The following LRRC1 variants were observed in gnomAD, a reference collection of about 807,000 sequenced individuals.
LRRC1 encodes the protein leucine rich repeat containing 1.
In LRRC1, 28 loss-of-function variants were observed where a neutral mutation model predicts 69.9. That is an observed-to-expected ratio of 0.40 (90% CI 0.30 to 0.55). The LOEUF is 0.55. Among genes scored for constraint, LRRC1 ranks in the 20% least tolerant of loss-of-function variants. The probability of loss-of-function intolerance (pLI) is 0.47; values close to 1 mark genes in which losing one functional copy is unlikely to be tolerated. For missense variants in LRRC1, 498 were observed against 609.0 expected (o/e 0.82, Z 1.92); for synonymous variants, 236 against 240.2 (o/e 0.98, Z 0.16).
chr6:53,876,438 A>G (rs986979387), intron 2 of LRRC1, among the ~76,000 whole-genome samples: 2 of 152,146 alleles, frequency 1.3e-5, no homozygotes, highest in Non-Finnish European at 1.5e-5. Flanking sequence ...TGCCTTCCCA[A>G]CAATCCCCCA....
At chr6:53,806,104 GAGCTAACATTCCTGCAGGA>G (rs1764629679) in intron 1 of LRRC1, among the ~76,000 whole-genome samples, 1 of 152,172 alleles carries the variant, frequency 6.6e-6, no homozygotes. Flanking sequence ...CAGACCTCTG[GAGCTAACATTCCTGCAGGA>G]AGCCCTCCCA....
chr6:53,802,519 C>T (rs1007771365), intron 1 of LRRC1, among the ~76,000 whole-genome samples: 1 of 152,008 alleles, frequency 6.6e-6, no homozygotes. Context: ...TGTGGGGTGC[C>T]CTTGTAAGAT....
intron 2 of LRRC1, among the ~76,000 whole-genome samples, chr6:53,860,401 A>G (rs1766456923): frequency 6.6e-6 from 1 of 152,206 alleles, no homozygotes; most frequent in African/African-American, 2.4e-5. Flanking sequence ...GAAATATTTT[A>G]CCTTTTCATC....
At chr6:53,838,387 T>A (rs1765672263) in intron 1 of LRRC1, among the ~76,000 whole-genome samples, 2 of 152,178 alleles carry the variant, frequency 1.3e-5, no homozygotes, top group African/African-American at 4.8e-5. Flanking sequence ...TGTTATGACT[T>A]CTATTGGATG....
intron 10 of LRRC1, among the ~76,000 whole-genome samples, chr6:53,906,023 C>T (rs1768223194): frequency 6.6e-6 from 1 of 152,166 alleles, no homozygotes; most frequent in African/African-American, 2.4e-5. Flanking sequence ...GTAGATTGGG[C>T]ATATAAACAC....
intron 1 of LRRC1, among the ~76,000 whole-genome samples, chr6:53,839,924 A>C (rs1259314929): frequency 6.6e-6 from 1 of 152,198 alleles, no homozygotes. Context: ...AACATGTCAG[A>C]TAATTCCTCA....
chr6:53,834,399 T>A (rs1036355177), intron 1 of LRRC1, among the ~76,000 whole-genome samples: 3 of 152,138 alleles, frequency 2.0e-5, no homozygotes, highest in Non-Finnish European at 4.4e-5. Flanking sequence ...CATTGGTAAT[T>A]TTAGTAGTTA....
Position 53,923,865 on chromosome 6 carries a change from G to C in LRRC1, c.*1072G>C, listed in dbSNP as rs909621258. Reference sequence around the variant, plus strand: ...AGCAAAATAACCTACTATCAAAATAGAAATGTTGCTATCTTTATAAGTGCA... The same window carrying C: ...AGCAAAATAACCTACTATCAAAATACAAATGTTGCTATCTTTATAAGTGCA... On this transcript the variant is annotated 3_prime_UTR_variant, in exon 14 of 14. Transcript: ENST00000370888. 1 of 152,564 alleles carries C rather than the reference G, an allele frequency of 6.6e-6. No homozygotes were observed. Among genetic ancestry groups the C allele is most frequent in the African/African-American group, 2.4e-5 (1 of 41,422 alleles). 9.5% of individuals were successfully genotyped at this position (152,564 alleles called of 1,614,324 possible). A position where few individuals can be genotyped will look rare whatever the true frequency, so the allele number is the denominator to read the frequency against.
At chr6:53,915,672 G>A (rs913095403) in intron 11 of LRRC1, among the ~76,000 whole-genome samples, 9 of 152,160 alleles carry the variant, frequency 5.9e-5, no homozygotes, top group Non-Finnish European at 1.2e-4. Context: ...CAGAAAAAGA[G>A]AAAGTTAAAT....
intron 4 of LRRC1, among the ~76,000 whole-genome samples, chr6:53,883,681 G>T (rs888240924): frequency 6.6e-6 from 1 of 152,180 alleles, no homozygotes. Context: ...AAATCAGGTT[G>T]ATGCAGTAGC....
At chr6:53,841,444 G>A (rs972767112) in intron 1 of LRRC1, among the ~76,000 whole-genome samples, 1 of 151,888 alleles carries the variant, frequency 6.6e-6, no homozygotes, top group South Asian at 2.1e-4. Context: ...TATCTAGTTC[G>A]CTTTTTGTAC....
intron 2 of LRRC1, among the ~76,000 whole-genome samples, chr6:53,842,752 T>A (rs1473680191): frequency 6.6e-6 from 1 of 152,222 alleles, no homozygotes; most frequent in Admixed American, 6.5e-5. Context: ...GCTCTCCCTG[T>A]AGTGAACAGA....
chr6:53,813,439 C>T (rs1210058104), intron 1 of LRRC1, among the ~76,000 whole-genome samples: 2 of 151,456 alleles, frequency 1.3e-5, no homozygotes, highest in African/African-American at 4.8e-5. Flanking sequence ...CAAACCTGTG[C>T]AAACCAGAGA....
rs1297341643 is a variant in LRRC1, at chr6:53,849,075, T to G, written c.277+6848T>G. ...CCCGGCCTATGCTTTTTTTTTTTTT[T>G]TTTTTAGTTAGCAGGTTTGTTGTGA... is the stretch of plus-strand genomic sequence containing the variant. On this transcript the variant is annotated intron_variant, in intron 2 of 13. Coordinates refer to ENST00000370888, the MANE Select transcript of LRRC1 (RefSeq NM_018214.5). Among the ~76,000 whole-genome samples, 5 of 151,440 alleles carry G rather than the reference T, an allele frequency of 3.3e-5. No individual in the cohort carries two copies. The East Asian group carries it at 5.8e-4, about 18-fold the overall frequency.
At chr6:53,811,717 A>G (rs1295194332) in intron 1 of LRRC1, among the ~76,000 whole-genome samples, 1 of 152,176 alleles carries the variant, frequency 6.6e-6, no homozygotes, top group African/African-American at 2.4e-5. Flanking sequence ...CACTTTACAG[A>G]TGGGAAAACT....
intron 2 of LRRC1, among the ~76,000 whole-genome samples, chr6:53,859,137 C>G (rs926245488): frequency 6.6e-6 from 1 of 152,094 alleles, no homozygotes; most frequent in Non-Finnish European, 1.5e-5. Flanking sequence ...GTGGACAAAG[C>G]TGCCTCTGTA....
chr6:53,892,195 T>C (rs1164930380), intron 4 of LRRC1, among the ~76,000 whole-genome samples: 1 of 152,150 alleles, frequency 6.6e-6, no homozygotes, highest in Non-Finnish European at 1.5e-5. Context: ...TTGGCAATTT[T>C]GTGAGACCTT....
intron 7 of LRRC1, among the ~76,000 whole-genome samples, chr6:53,899,525 G>A (rs1309447439): frequency 6.6e-6 from 1 of 152,114 alleles, no homozygotes; most frequent in African/African-American, 2.4e-5. Flanking sequence ...AAAGGTGGAG[G>A]GCTTTGCATC....
chr6:53,842,205 G>A lies in LRRC1; in HGVS notation c.255G>A (p.Val85=), dbSNP rs74737975. 7 of 1,613,198 alleles carry A rather than the reference G, an allele frequency of 4.3e-6. No individual in the cohort carries two copies. The highest frequency in any genetic ancestry group is 5.1e-6 in the Non-Finnish European group (6 of 1,179,238). The change falls in exon 2 of 14, where the codon GTG becomes GTA. Residue 85 remains valine, a synonymous_variant. Coordinates refer to ENST00000370888, the MANE Select transcript of LRRC1 (RefSeq NM_018214.5). ...PPEIANFMQL[V]ELDVSRNEIP... is the part of the protein sequence containing the mutation. ...AAATAGCAAACTTCATGCAGCTGGT[G>A]GAACTAGATGTGTCTCGAAATGGTA...
Sources: gnomAD v4.1 joint callset for allele counts (sites outside exome capture counted in the v4.1 genomes callset) on GRCh38, gnomAD v4.1.1 for gene constraint, MANE v1.5 for transcripts, NCBI Gene and HGNC (gene_info 2026-07-23, HGNC 2026-07-21) for gene names.